The following POU3F3 variants were observed in gnomAD, a reference collection of about 807,000 sequenced individuals.
POU3F3 encodes POU class 3 homeobox 3.
A neutral mutation model predicts 8.6 loss-of-function variants in POU3F3; 1 was observed. The ratio of observed to expected loss-of-function variants is 0.12; its 90% CI spans 0.04 to 0.55. POU3F3 has a LOEUF of 0.55. POU3F3 is among the 20% of genes least tolerant of loss of function. The pLI, the probability that POU3F3 is intolerant of heterozygous loss-of-function variation, is 0.91. For synonymous variants in POU3F3, 418 were observed against 327.4 expected, an observed-to-expected ratio of 1.28 and a Z score of -2.99; for missense variants, 577 against 690.7, an observed-to-expected ratio of 0.84 and a Z score of 1.84.
At chr2:104,887,424 T>A in the POU3F3 span, among the ~76,000 whole-genome samples, 12 of 152,176 alleles carry the variant, frequency 7.9e-5, no homozygotes, top group African/African-American at 1.4e-4. Context: ...TCTCCATCGT[T>A]TGATCAAGAC....
At chr2:104,888,413 T>G in the POU3F3 span, among the ~76,000 whole-genome samples, 1 of 152,278 alleles carries the variant, frequency 6.6e-6, no homozygotes, top group Non-Finnish European at 1.5e-5. Flanking sequence ...GTGGTAGAGT[T>G]TGCCATCTCC....
At chr2:104,909,746 G>A in the POU3F3 span, among the ~76,000 whole-genome samples, 1 of 152,240 alleles carries the variant, frequency 6.6e-6, no homozygotes, top group South Asian at 2.1e-4. Context: ...TAATGAAGAC[G>A]TGACTGATGC....
the POU3F3 span, among the ~76,000 whole-genome samples, chr2:104,917,040 A>G: frequency 6.6e-6 from 1 of 152,230 alleles, no homozygotes; most frequent in Non-Finnish European, 1.5e-5. Context: ...CTTCTTGAAC[A>G]GAGACATCCA....
the POU3F3 span, among the ~76,000 whole-genome samples, chr2:104,870,310 A>AG: frequency 6.6e-6 from 1 of 152,150 alleles, no homozygotes. Flanking sequence ...AGAAATGGGG[A>AG]GGGGGGCTCA....
chr2:104,916,079 G>C, the POU3F3 span, among the ~76,000 whole-genome samples: 1 of 151,962 alleles, frequency 6.6e-6, no homozygotes, highest in African/African-American at 2.4e-5. Context: ...AAACATACAT[G>C]ATGAAACAAT....
chr2:104,886,371 G>A, the POU3F3 span, among the ~76,000 whole-genome samples: 1 of 152,180 alleles, frequency 6.6e-6, no homozygotes, highest in East Asian at 1.9e-4. Flanking sequence ...ACAGTATTCA[G>A]TACAGTGACA....
chr2:104,900,447 CT>C, the POU3F3 span, among the ~76,000 whole-genome samples: 3 of 152,206 alleles, frequency 2.0e-5, no homozygotes, highest in South Asian at 2.1e-4. Context: ...CAGTTTCCCC[CT>C]AACTTAAGTC....
At chr2:104,881,335 AT>A in the POU3F3 span, among the ~76,000 whole-genome samples, 51 of 149,188 alleles carry the variant, frequency 3.4e-4, 1 homozygote, top group South Asian at 1.9e-3. Context: ...CTAAAAAAAG[AT>A]TTTTTTTTTG....
chr2:104,855,986 A>G lies in POU3F3; in HGVS notation c.476A>G (p.His159Arg). The change falls in exon 1 of 1, where the codon CAC becomes CGC. Residue 159 changes from histidine to arginine, a missense_variant. His to Arg is a conservative substitution (Grantham distance 29). Around this residue, in one of 7 missense-constraint regions of POU3F3, gnomAD observed 484 missense variants for 422.6 expected, o/e 1.15. Transcript: ENST00000361360. ...VKGGAGRDDLHAGTALHHRGP... is the reference protein window; with the variant it reads ...VKGGAGRDDLRAGTALHHRGP... ...GGCGGCGCCGGGCGCGACGACCTGC[A>G]CGCGGGCACAGCGCTGCACCACCGC... The G allele has an allele frequency of 3.9e-6, 4 of 1,027,714 alleles. No individual in the cohort carries two copies. The highest frequency in any genetic ancestry group is 4.6e-6 in the Non-Finnish European group (4 of 860,414). The allele number at this position is 1,027,714 out of a possible 1,614,324, so 63.7% of individuals were successfully genotyped here. A position where few individuals can be genotyped will look rare whatever the true frequency, so the allele number is the denominator to read the frequency against.
chr2:104,893,688 C>A, the POU3F3 span, among the ~76,000 whole-genome samples: 1 of 151,970 alleles, frequency 6.6e-6, no homozygotes, highest in Non-Finnish European at 1.5e-5. Flanking sequence ...TTGAGACCAG[C>A]CTGCCCAACA....
the POU3F3 span, among the ~76,000 whole-genome samples, chr2:104,868,949 G>A: frequency 2.0e-5 from 3 of 152,174 alleles, no homozygotes; most frequent in Non-Finnish European, 1.5e-5. Flanking sequence ...GGTGGGGCAG[G>A]GAGACTTGCT....
chr2:104,904,490 G>A, the POU3F3 span, among the ~76,000 whole-genome samples: 11 of 152,106 alleles, frequency 7.2e-5, no homozygotes, highest in African/African-American at 2.7e-4. Flanking sequence ...ACTGCAAAGG[G>A]CAATCCAGTG....
the POU3F3 span, among the ~76,000 whole-genome samples, chr2:104,874,294 G>A: frequency 2.6e-5 from 4 of 152,206 alleles, no homozygotes; most frequent in African/African-American, 9.6e-5. Flanking sequence ...GTTGGACACA[G>A]GACAAAGGCA....
At chr2:104,910,410 C>A in the POU3F3 span, among the ~76,000 whole-genome samples, 1 of 152,190 alleles carries the variant, frequency 6.6e-6, no homozygotes, top group Admixed American at 6.5e-5. Flanking sequence ...TGTCTGAATT[C>A]TCTTTTCCTC....
the POU3F3 span, among the ~76,000 whole-genome samples, chr2:104,869,349 G>A: frequency 6.9e-4 from 105 of 152,366 alleles, no homozygotes; most frequent in African/African-American, 2.4e-3. Context: ...ACACAAAGGA[G>A]GCCCTGAAGG....
the POU3F3 span, among the ~76,000 whole-genome samples, chr2:104,905,049 G>A: frequency 1.3e-5 from 2 of 152,114 alleles, no homozygotes; most frequent in Admixed American, 6.5e-5. Context: ...AACTGCCATC[G>A]CAGCGACAAG....
chr2:104,886,976 A>G, the POU3F3 span, among the ~76,000 whole-genome samples: 1 of 152,192 alleles, frequency 6.6e-6, no homozygotes, highest in Non-Finnish European at 1.5e-5. Flanking sequence ...AGGCTACTCC[A>G]TAGACAGAGC....
At chr2:104,903,546 G>A in the POU3F3 span, among the ~76,000 whole-genome samples, 1 of 152,178 alleles carries the variant, frequency 6.6e-6, no homozygotes, top group Admixed American at 6.5e-5. Context: ...ACAGTAATAG[G>A]CAGTAGACAA....
At chr2:104,927,667 A>G in the POU3F3 span, among the ~76,000 whole-genome samples, 2 of 150,802 alleles carry the variant, frequency 1.3e-5, no homozygotes, top group Non-Finnish European at 1.5e-5. Flanking sequence ...GGATTGTTCA[A>G]GCCCAAGAGT....
Sources: allele counts gnomAD v4.1 joint callset (sites outside exome capture counted in the v4.1 genomes callset), GRCh38; gene constraint gnomAD v4.1.1; regional missense constraint gnomAD v4.1.1; transcripts MANE v1.5; gene names NCBI Gene and HGNC (gene_info 2026-07-23, HGNC 2026-07-21).